Variants in GALNT13 observed in about 807,000 individuals in gnomAD.
GALNT13 encodes the protein polypeptide N-acetylgalactosaminyltransferase 13.
GALNT13 carries 28 observed loss-of-function variants against 64.2 expected under a neutral mutation model. The observed-to-expected ratio is 0.44, with a 90% CI of 0.32 to 0.60. The LOEUF (loss-of-function observed/expected upper bound fraction) is 0.60, where lower values mean the gene tolerates loss of function less well. Ranked by LOEUF, GALNT13 falls within the 20% of genes least tolerant of loss-of-function variation. The pLI, the probability that GALNT13 is intolerant of heterozygous loss-of-function variation, is 0.05. For missense variants in GALNT13, 577 were observed against 669.8 expected, an observed-to-expected ratio of 0.86 and a Z score of 1.53; for synonymous variants, 214 against 224.6, an observed-to-expected ratio of 0.95 and a Z score of 0.42.
chr2:153,455,525 C>T, the GALNT13 span, among the ~76,000 whole-genome samples: 1 of 152,190 alleles, frequency 6.6e-6, no homozygotes, highest in Non-Finnish European at 1.5e-5. Flanking sequence ...CACTGACTTC[C>T]ACCCTTCATG....
intron 3 of GALNT13, among the ~76,000 whole-genome samples, chr2:154,080,155 A>G (rs1327874087): frequency 2.0e-5 from 3 of 151,690 alleles, no homozygotes; most frequent in East Asian, 3.9e-4. Context: ...TGGAATGTGT[A>G]CTGTGGGAAC....
intron 3 of GALNT13, among the ~76,000 whole-genome samples, chr2:153,970,851 T>C (rs10201801): frequency 0.12 from 18,310 of 152,192 alleles, 1,888 homozygotes; most frequent in African/African-American, 0.28. Context: ...CATTATTATA[T>C]GCAAACTTTC....
chr2:153,461,933 C>A, the GALNT13 span, among the ~76,000 whole-genome samples: 1 of 152,042 alleles, frequency 6.6e-6, no homozygotes, highest in African/African-American at 2.4e-5. Flanking sequence ...TATGAGAGCT[C>A]TTTCTATAAG....
intron 8 of GALNT13, among the ~76,000 whole-genome samples, chr2:154,275,733 G>A (rs1167319102): frequency 1.3e-5 from 2 of 152,184 alleles, no homozygotes; most frequent in South Asian, 2.1e-4. Flanking sequence ...TGAGAAGAGG[G>A]CCACTGTCCT....
At chr2:153,723,939 A>T in the GALNT13 span, among the ~76,000 whole-genome samples, 4 of 150,892 alleles carry the variant, frequency 2.7e-5, no homozygotes, top group Non-Finnish European at 2.9e-5. Context: ...TTCTTCACAG[A>T]ATTGAAAAAA....
intron 11 of GALNT13, 141 bp from the exon 12 acceptor site, chr2:154,438,451 A>G (rs1044691805): frequency 2.0e-5 from 11 of 560,752 alleles, no homozygotes; most frequent in African/African-American, 1.5e-4. Flanking sequence ...CAAAGAGATG[A>G]ATTAGCTTTC....
At chr2:154,134,979 C>T (rs567320740) in intron 3 of GALNT13, among the ~76,000 whole-genome samples, 2 of 152,222 alleles carry the variant, frequency 1.3e-5, no homozygotes, top group African/African-American at 4.8e-5. Context: ...AAGGGAGACT[C>T]CGTCTCAAAA....
At chr2:154,138,495 T>C (rs2105572479) in intron 3 of GALNT13, among the ~76,000 whole-genome samples, 1 of 151,934 alleles carries the variant, frequency 6.6e-6, no homozygotes, top group African/African-American at 2.4e-5. Context: ...TTTCAAAATG[T>C]TAAGAATCAG....
chr2:154,343,997 A>G (rs984377204), intron 9 of GALNT13, among the ~76,000 whole-genome samples: 2 of 151,926 alleles, frequency 1.3e-5, no homozygotes, highest in African/African-American at 4.8e-5. Flanking sequence ...GTGGCTTGGA[A>G]ATATGAATAC....
intron 9 of GALNT13, among the ~76,000 whole-genome samples, chr2:154,385,116 T>A (rs987422603): frequency 3.3e-5 from 5 of 151,960 alleles, no homozygotes; most frequent in Admixed American, 2.6e-4. Flanking sequence ...TAAGATAGTA[T>A]GTGGCATATA....
At chr2:153,968,229 T>C (rs1168461647) in intron 3 of GALNT13, among the ~76,000 whole-genome samples, 1 of 152,182 alleles carries the variant, frequency 6.6e-6, no homozygotes, top group African/African-American at 2.4e-5. Context: ...CAGTCACTGG[T>C]AGAGCTGACT....
At chr2:153,171,230 G>C in the GALNT13 span, among the ~76,000 whole-genome samples, 1 of 152,166 alleles carries the variant, frequency 6.6e-6, no homozygotes, top group Non-Finnish European at 1.5e-5. Context: ...GTGAGAAGCT[G>C]TAAATGCTTC....
intron 1 of GALNT13, among the ~76,000 whole-genome samples, chr2:153,899,402 A>C (rs1186561487): frequency 6.6e-6 from 1 of 152,192 alleles, no homozygotes; most frequent in Non-Finnish European, 1.5e-5. Context: ...ATTGTATTGA[A>C]TTATATGTGA....
chr2:153,248,573 G>T, the GALNT13 span, among the ~76,000 whole-genome samples: 1 of 151,944 alleles, frequency 6.6e-6, no homozygotes, highest in Non-Finnish European at 1.5e-5. Flanking sequence ...CAGCACTTTG[G>T]GAGGCTGAGG....
At chr2:153,155,895 C>G in the GALNT13 span, among the ~76,000 whole-genome samples, 1 of 152,188 alleles carries the variant, frequency 6.6e-6, no homozygotes, top group African/African-American at 2.4e-5. Flanking sequence ...CCCCTTAACA[C>G]TGCATTAGCT....
Position 154,040,029 on chromosome 2 carries a change from A to T in GALNT13, c.142+95390A>T, listed in dbSNP as rs574965620. Among the ~76,000 whole-genome samples, 13 of 141,056 alleles carry T rather than the reference A, an allele frequency of 9.2e-5. 2 individuals are homozygous for T. The highest frequency in any genetic ancestry group is 2.1e-4 in the Non-Finnish European group (13 of 61,394). The allele number at this position is 141,056 out of a possible 152,430, so 92.5% of individuals were successfully genotyped here. A position where few individuals can be genotyped will look rare whatever the true frequency, so the allele number is the denominator to read the frequency against. On this transcript the variant is annotated intron_variant, in intron 3 of 12. Coordinates refer to ENST00000392825, the MANE Select transcript of GALNT13 (RefSeq NM_052917.4). Reference sequence around the variant, plus strand: ...TTTTAAGTTCACTTTACTGAATGACATATTTACTGTTAACTCATTTCATGT... The same window carrying T: ...TTTTAAGTTCACTTTACTGAATGACTTATTTACTGTTAACTCATTTCATGT...
intron 4 of GALNT13, among the ~76,000 whole-genome samples, chr2:154,202,389 A>G (rs532343266): frequency 6.6e-6 from 1 of 152,088 alleles, no homozygotes; most frequent in Non-Finnish European, 1.5e-5. Flanking sequence ...TTGAGATCAC[A>G]CTTCTACTTT....
chr2:153,104,182 A>G, the GALNT13 span, among the ~76,000 whole-genome samples: 5 of 152,204 alleles, frequency 3.3e-5, no homozygotes, highest in Non-Finnish European at 7.3e-5. Flanking sequence ...TTTTTACATT[A>G]AAAGGAAGCA....
intron 3 of GALNT13, among the ~76,000 whole-genome samples, chr2:153,979,505 A>G (rs752421680): frequency 1.3e-5 from 2 of 152,170 alleles, no homozygotes; most frequent in Non-Finnish European, 2.9e-5. Context: ...ACCTGAATAC[A>G]TATTCCTCTT....
Sources: allele counts gnomAD v4.1 joint callset (sites outside exome capture counted in the v4.1 genomes callset), GRCh38; gene constraint gnomAD v4.1.1; transcripts MANE v1.5; gene names NCBI Gene and HGNC (gene_info 2026-07-23, HGNC 2026-07-21).